Variants in FAM107A observed in about 807,000 individuals in gnomAD.
FAM107A encodes the protein actin-associated protein FAM107A.
FAM107A carries 19 observed loss-of-function variants against 13.7 expected under a neutral mutation model. That is an observed-to-expected ratio of 1.38 (90% CI 0.97 to 2.03). The LOEUF is 2.03. FAM107A is among the 30% of genes most tolerant of loss of function. The pLI is 0.00. For synonymous variants in FAM107A, 82 were observed against 74.5 expected (o/e 1.10, Z -0.52); for missense variants, 203 against 184.4 (o/e 1.10, Z -0.58).
intron 1 of FAM107A, among the ~76,000 whole-genome samples, chr3:58,625,939 G>A (rs541530230): frequency 4.1e-4 from 63 of 152,186 alleles, no homozygotes; most frequent in Non-Finnish European, 8.8e-4. Flanking sequence ...CATGTTTATC[G>A]GGGAGCCTCT....
At chr3:58,619,639 A>T (rs547275670) in intron 1 of FAM107A, among the ~76,000 whole-genome samples, 4 of 152,068 alleles carry the variant, frequency 2.6e-5, no homozygotes, top group African/African-American at 9.7e-5. Context: ...TGCTTCCCTC[A>T]TCATAGTACC....
upstream of FAM107A, among the ~76,000 whole-genome samples, chr3:58,588,680 C>G (rs139745009): frequency 2.0e-5 from 3 of 152,222 alleles, no homozygotes; most frequent in African/African-American, 4.8e-5. Flanking sequence ...TTAATCCACT[C>G]AATAGCTCTT....
chr3:58,605,880 A>G (rs1462364768), intron 1 of FAM107A, among the ~76,000 whole-genome samples: 3 of 152,214 alleles, frequency 2.0e-5, no homozygotes, highest in Non-Finnish European at 4.4e-5. Flanking sequence ...TTCACAGTCC[A>G]TGCTTTCTCT....
chr3:58,626,233 G>C (rs2066014957), intron 1 of FAM107A, among the ~76,000 whole-genome samples: 1 of 152,082 alleles, frequency 6.6e-6, no homozygotes, highest in Non-Finnish European at 1.5e-5. Flanking sequence ...GATCCAGGAG[G>C]TCTGATGGGC....
At chr3:58,616,746 T>C (rs2065905220) in intron 1 of FAM107A, among the ~76,000 whole-genome samples, 1 of 152,048 alleles carries the variant, frequency 6.6e-6, no homozygotes, top group Non-Finnish European at 1.5e-5. Context: ...TCCAGAACTG[T>C]GCGAGAATAA....
intron 1 of FAM107A, among the ~76,000 whole-genome samples, chr3:58,571,263 C>T (rs891624846): frequency 1.3e-5 from 2 of 152,190 alleles, no homozygotes; most frequent in East Asian, 1.9e-4. Flanking sequence ...CCATCACAGG[C>T]TGCTGTTAGG....
chr3:58,579,215 G>A (rs748993051), upstream of FAM107A, among the ~76,000 whole-genome samples: 2 of 152,150 alleles, frequency 1.3e-5, no homozygotes, highest in Non-Finnish European at 2.9e-5. Context: ...GAAAGGCCCA[G>A]ACTGGGTGGA....
chr3:58,580,398 C>T (rs986306789), upstream of FAM107A, among the ~76,000 whole-genome samples: 7 of 145,598 alleles, frequency 4.8e-5, no homozygotes, highest in Non-Finnish European at 1.0e-4. Flanking sequence ...TAGGGAGGAA[C>T]CTAGGAATCT....
At chr3:58,609,420 T>A (rs748380569) in intron 1 of FAM107A, among the ~76,000 whole-genome samples, 13 of 152,208 alleles carry the variant, frequency 8.5e-5, no homozygotes, top group Admixed American at 2.0e-4. Context: ...CATTGCCCCT[T>A]CCTCAATTAA....
chr3:58,618,063 G>T (rs546376667), intron 1 of FAM107A, among the ~76,000 whole-genome samples: 1 of 152,132 alleles, frequency 6.6e-6, no homozygotes, highest in Non-Finnish European at 1.5e-5. Flanking sequence ...TTTGTGGTGA[G>T]GATTCCATGG....
Position 58,566,385 on chromosome 3 carries a change from G to A in FAM107A, c.*203C>T. 1.8e-6 allele frequency: 1 copy of A among 565,096 alleles called. No individual in the cohort carries two copies. The highest frequency in any genetic ancestry group is 3.1e-6 in the Non-Finnish European group (1 of 319,626). 35.0% of individuals were successfully genotyped at this position (565,096 alleles called of 1,614,324 possible). ...TATCCCTCTTGGAGCAGGAGGGCTGGGTGCTTGGAAGGAAAACCTAGGAGC... is the reference window on the plus strand; with the variant it reads ...TATCCCTCTTGGAGCAGGAGGGCTGAGTGCTTGGAAGGAAAACCTAGGAGC... On this transcript the variant is annotated 3_prime_UTR_variant, in exon 4 of 4. Transcript: ENST00000360997.
chr3:58,601,863 T>G (rs2065755321), intron 1 of FAM107A, among the ~76,000 whole-genome samples: 1 of 152,234 alleles, frequency 6.6e-6, no homozygotes, highest in Admixed American at 6.5e-5. Flanking sequence ...TGGCAAAAAC[T>G]GATATTTTCG....
intron 1 of FAM107A, among the ~76,000 whole-genome samples, chr3:58,584,019 G>A (rs1283670396): frequency 6.6e-6 from 1 of 152,048 alleles, no homozygotes; most frequent in Non-Finnish European, 1.5e-5. Flanking sequence ...GTCCTCCTTG[G>A]GGGCTTCTCA....
At chr3:58,575,727 G>A (rs2063725194) in intron 1 of FAM107A, among the ~76,000 whole-genome samples, 1 of 152,208 alleles carries the variant, frequency 6.6e-6, no homozygotes. Flanking sequence ...ATGGAGGCCT[G>A]CTAACTTGAG....
At chr3:58,610,828 C>T (rs111264193) in intron 1 of FAM107A, among the ~76,000 whole-genome samples, 13 of 152,326 alleles carry the variant, frequency 8.5e-5, no homozygotes, top group African/African-American at 3.1e-4. Context: ...TTGGCTGCTT[C>T]ACACCAGATA....
intron 1 of FAM107A, among the ~76,000 whole-genome samples, chr3:58,625,832 C>T (rs988864676): frequency 1.3e-5 from 2 of 152,222 alleles, no homozygotes; most frequent in African/African-American, 2.4e-5. Flanking sequence ...CTCTTTCCCC[C>T]ACTAGCTGCA....
intron 1 of FAM107A, among the ~76,000 whole-genome samples, chr3:58,584,401 C>T (rs142276444): frequency 7.4e-4 from 112 of 152,208 alleles, no homozygotes; most frequent in African/African-American, 2.6e-3. Context: ...ATGGGGTGAT[C>T]GTTGAGTGCT....
intron 1 of FAM107A, among the ~76,000 whole-genome samples, chr3:58,616,861 C>T (rs1230405845): frequency 2.6e-5 from 4 of 152,172 alleles, no homozygotes; most frequent in African/African-American, 4.8e-5. Context: ...GCAAGCTCCG[C>T]CTCCCGGGTT....
chr3:58,618,687 G>A (rs951357561), intron 1 of FAM107A, among the ~76,000 whole-genome samples: 4 of 152,238 alleles, frequency 2.6e-5, no homozygotes, highest in African/African-American at 9.6e-5. Context: ...GCCCGAGGAT[G>A]GGGGGAAGGT....
Sources: allele counts gnomAD v4.1 joint callset (sites outside exome capture counted in the v4.1 genomes callset), GRCh38; gene constraint gnomAD v4.1.1; transcripts MANE v1.5; gene names NCBI Gene and HGNC (gene_info 2026-07-23, HGNC 2026-07-21).